PUDP: variants seen among roughly 807,000 people sequenced by gnomAD.
PUDP encodes pseudouridine 5'-phosphatase, also known as pseudouridine-5'-phosphatase.
In PUDP, 8 loss-of-function variants were observed where a neutral mutation model predicts 9.4. The observed-to-expected ratio is 0.85, with a 90% CI of 0.50 to 1.53. The LOEUF is 1.53. PUDP is among the 40% of genes most tolerant of loss of function. PUDP has a pLI of 0.00. For synonymous variants in PUDP, 99 were observed against 80.7 expected (o/e 1.23, Z -1.22); for missense variants, 188 against 189.7 (o/e 0.99, Z 0.05).
At chrX:6,908,422 G>A (rs958430026) in intron 3 of PUDP, among the ~76,000 whole-genome samples, 2 of 112,090 alleles carry the variant, frequency 1.8e-5, no homozygotes, top group Admixed American at 1.9e-4. Flanking sequence ...AAAGCTCACT[G>A]AAAGTTGTAA....
At chrX:6,731,544 T>C (rs1195060758) in intron 3 of PUDP, among the ~76,000 whole-genome samples, 1 of 111,922 alleles carries the variant, frequency 8.9e-6, no homozygotes, top group Non-Finnish European at 1.9e-5. Context: ...GCTGTTCCTG[T>C]TCAACATTCA....
rs1927897783 is a variant in PUDP at position 6,914,398 on chromosome X, A to AT, written c.*247+62734dup. Among the ~76,000 whole-genome samples, 3 of 111,410 alleles carry AT rather than the reference A, an allele frequency of 2.7e-5. No homozygotes were observed. The East Asian group carries it at 8.4e-4, about 31-fold the overall frequency. On this transcript the variant is annotated intron_variant and NMD_transcript_variant, in intron 3 of 3. Coordinates refer to the PUDP transcript ENST00000655425. ...AGACCCTTTGACAAGGATGAAATAG[A>AT]TTCGCCCTGGGAAGTGCTTCATTTC...
intron 3 of PUDP, among the ~76,000 whole-genome samples, chrX:6,759,554 A>G (rs1422899814): frequency 2.7e-5 from 3 of 111,534 alleles, no homozygotes; most frequent in African/African-American, 9.8e-5. Flanking sequence ...AGATGCCAGT[A>G]GCACCTCTCC....
Position 6,915,064 on chromosome X carries a change from A to C in PUDP, c.*247+62069T>G, listed in dbSNP as rs772199745. ...AAATGTCATTCAAACAAACCCCTTT[A>C]ACTATATTGAGACTCTGTTTTCAGC... On this transcript the variant is annotated intron_variant and NMD_transcript_variant, in intron 3 of 3. Coordinates refer to the PUDP transcript ENST00000655425. 4.2e-4 allele frequency among the ~76,000 whole-genome samples: 47 copies of C among 112,193 alleles called. 1 individual carries two copies. Among genetic ancestry groups the C allele is most frequent in the African/African-American group, 1.4e-3 (44 of 30,968 alleles).
chrX:7,078,378 G>A (rs1036878086), intron 2 of PUDP, among the ~76,000 whole-genome samples: 2 of 111,814 alleles, frequency 1.8e-5, no homozygotes, highest in African/African-American at 3.3e-5. Context: ...CTGCAACCTC[G>A]GCCTCCCAGG....
chrX:6,973,748 C>T lies in PUDP; in HGVS notation c.*247+3385G>A, dbSNP rs149048398. On this transcript the variant is annotated intron_variant and NMD_transcript_variant, in intron 3 of 3. Coordinates refer to the PUDP transcript ENST00000655425. ...GCTTGGTCCAGGGCTGAGTTCAAGTCCTGAATATCCTTGTTTATATTCTGT... is the reference window on the plus strand; with the variant it reads ...GCTTGGTCCAGGGCTGAGTTCAAGTTCTGAATATCCTTGTTTATATTCTGT... 3.8e-3 allele frequency among the ~76,000 whole-genome samples: 426 copies of T among 111,291 alleles called. 2 individuals carry two copies. The highest frequency in any genetic ancestry group is 0.013 in the African/African-American group (393 of 30,583).
At chrX:6,817,715 G>A (rs145877840) in intron 3 of PUDP, among the ~76,000 whole-genome samples, 2,306 of 110,921 alleles carry the variant, frequency 0.021, 60 homozygotes, top group African/African-American at 0.072. Flanking sequence ...TCTTTTCTCC[G>A]GGTCCACACT....
chrX:7,045,427 G>C (rs754767127), downstream of PUDP, among the ~76,000 whole-genome samples: 106 of 111,941 alleles, frequency 9.5e-4, no homozygotes, highest in Non-Finnish European at 1.5e-3. Flanking sequence ...TGAGGGGTTG[G>C]TCTCCACCTG....
rs185440603 is a variant in PUDP at position 7,033,297 on chromosome X, C to T, written c.204+43923G>A. On this transcript the variant is annotated intron_variant and NMD_transcript_variant, in intron 1 of 3. Transcript: ENST00000655425. Reference sequence around the variant, plus strand: ...CCTATTGTGGGACCTCACCTTGTGACCATGTGAGTCAATGCTCCTTAATAA... The same window carrying T: ...CCTATTGTGGGACCTCACCTTGTGATCATGTGAGTCAATGCTCCTTAATAA... Among the ~76,000 whole-genome samples, 445 of 111,674 alleles carry T rather than the reference C, an allele frequency of 4.0e-3. 3 individuals carry two copies. The highest frequency in any genetic ancestry group is 0.014 in the African/African-American group (430 of 30,744).
intron 3 of PUDP, among the ~76,000 whole-genome samples, chrX:6,773,334 T>C (rs1925398388): frequency 8.9e-6 from 1 of 112,237 alleles, no homozygotes; most frequent in African/African-American, 3.2e-5. Context: ...TGCTTCACAC[T>C]CCATCTTTTT....
At chrX:7,139,418 G>A (rs933572902) in intron 1 of PUDP, among the ~76,000 whole-genome samples, 3 of 111,870 alleles carry the variant, frequency 2.7e-5, no homozygotes, top group East Asian at 2.8e-4. Context: ...GGCTCCCATC[G>A]GATGCAGTAT....
rs768667905 is a variant in PUDP, at chrX:6,816,992, TA to T, written c.*248-110527del. Among the ~76,000 whole-genome samples, 648 of 97,851 alleles carry T rather than the reference TA, an allele frequency of 6.6e-3. 9 individuals carry two copies. The highest frequency in any genetic ancestry group is 0.02 in the African/African-American group (535 of 26,428). The allele number at this position is 97,851 out of a possible 115,157, so 85.0% of individuals were successfully genotyped here. ...ATATACACATATAGTATATACTATA[TA>T]GTATATATAATATATATACACATAT... is the stretch of plus-strand genomic sequence containing the variant. On this transcript the variant is annotated intron_variant and NMD_transcript_variant, in intron 3 of 3. Transcript: ENST00000655425.
intron 3 of PUDP, among the ~76,000 whole-genome samples, chrX:6,890,820 C>T (rs1320537992): frequency 9.3e-6 from 1 of 107,354 alleles, no homozygotes; most frequent in Admixed American, 1.0e-4. Flanking sequence ...AAATACAGTC[C>T]AGGCATGGTG....
At chrX:6,768,244 T>G (rs1490605284) in intron 3 of PUDP, among the ~76,000 whole-genome samples, 6 of 111,401 alleles carry the variant, frequency 5.4e-5, no homozygotes, top group Non-Finnish European at 9.4e-5. Context: ...AGTTGATGGG[T>G]TGAGGCCAGG....
At chrX:6,771,434 T>C (rs961689443) in intron 3 of PUDP, among the ~76,000 whole-genome samples, 1 of 112,288 alleles carries the variant, frequency 8.9e-6, no homozygotes, top group African/African-American at 3.2e-5. Context: ...TCACCCAATA[T>C]AGAACTTTGT....
At position 6,980,666 on chromosome X, in the gene PUDP, T is replaced by TA. The variant is rs1027974901; in HGVS notation, c.205-2324dup. ...GATTCAACCAACTATGGATGAAAAT[T>TA]AAAAAAAAAAAAACAACAAGAATGA... On this transcript the variant is annotated intron_variant and NMD_transcript_variant, in intron 1 of 3. Transcript: ENST00000655425. Among the ~76,000 whole-genome samples the TA allele has an allele frequency of 4.3e-3, 434 of 100,335 alleles. 3 individuals carry two copies. The highest frequency in any genetic ancestry group is 0.013 in the African/African-American group (361 of 27,766). 87.1% of individuals were successfully genotyped at this position (100,335 alleles called of 115,157 possible).
intron 3 of PUDP, among the ~76,000 whole-genome samples, chrX:6,845,434 T>A (rs1407589456): frequency 8.9e-6 from 1 of 112,201 alleles, no homozygotes; most frequent in Non-Finnish European, 1.9e-5. Context: ...TTTTCTTGTA[T>A]GACAATCAAC....
At chrX:6,788,727 C>T (rs901962222) in intron 3 of PUDP, among the ~76,000 whole-genome samples, 1 of 111,304 alleles carries the variant, frequency 9.0e-6, no homozygotes, top group Admixed American at 9.6e-5. Context: ...AAAAATAAGT[C>T]GAGGAGCATC....
intron 3 of PUDP, among the ~76,000 whole-genome samples, chrX:6,944,009 C>CT (rs1252016088): frequency 8.9e-6 from 1 of 111,753 alleles, no homozygotes; most frequent in Non-Finnish European, 1.9e-5. Flanking sequence ...AGCCAACTAT[C>CT]TAAGATCTAC....
Sources: allele counts gnomAD v4.1 joint callset (sites outside exome capture counted in the v4.1 genomes callset), GRCh38; gene constraint gnomAD v4.1.1; transcripts MANE v1.5; gene names NCBI Gene and HGNC (gene_info 2026-07-23, HGNC 2026-07-21).